The following RABGAP1L variants were observed in gnomAD, a reference collection of about 807,000 sequenced individuals.
RABGAP1L encodes the protein RAB GTPase activating protein 1 like.
A neutral mutation model predicts 137.7 loss-of-function variants in RABGAP1L; 63 were observed. The ratio of observed to expected loss-of-function variants is 0.46; its 90% CI spans 0.37 to 0.56. The LOEUF (loss-of-function observed/expected upper bound fraction) is 0.56. Among genes scored for constraint, RABGAP1L ranks in the 20% least tolerant of loss-of-function variants. The probability of loss-of-function intolerance (pLI) is 0.00; values close to 1 mark genes in which losing one functional copy is unlikely to be tolerated. For synonymous variants in RABGAP1L, 431 were observed against 433.7 expected (o/e 0.99, Z 0.08); for missense variants, 1,095 against 1,244.0 (o/e 0.88, Z 1.80).
At chr1:174,632,327 T>C (rs1419920834) in intron 13 of RABGAP1L, among the ~76,000 whole-genome samples, 1 of 149,738 alleles carries the variant, frequency 6.7e-6, no homozygotes, top group Non-Finnish European at 1.5e-5. Context: ...GCCTTAACAT[T>C]TTTTCCTTCA....
At chr1:174,979,528 T>G (rs1290513289) in intron 23 of RABGAP1L, among the ~76,000 whole-genome samples, 1 of 152,214 alleles carries the variant, frequency 6.6e-6, no homozygotes, top group Non-Finnish European at 1.5e-5. Context: ...TTGGAACATT[T>G]GCCTCTTTGT....
chr1:174,186,521 T>C (rs1219488750), intron 1 of RABGAP1L, among the ~76,000 whole-genome samples: 1 of 152,220 alleles, frequency 6.6e-6, no homozygotes, highest in Non-Finnish European at 1.5e-5. Context: ...ATCTGTCTAC[T>C]ATATAGATCC....
At chr1:174,773,163 G>GTGTGTGTGTGTGTGTGT (rs1553250559) in intron 18 of RABGAP1L, among the ~76,000 whole-genome samples, 7 of 149,658 alleles carry the variant, frequency 4.7e-5, no homozygotes, top group Admixed American at 2.7e-4. Context: ...TAAGCTATGG[G>GTGTGTGTGTGTGTGTGT]GTGTGTGTGT....
intron 13 of RABGAP1L, among the ~76,000 whole-genome samples, chr1:174,523,395 T>G (rs546429124): frequency 6.6e-6 from 1 of 152,036 alleles, no homozygotes; most frequent in East Asian, 1.9e-4. Context: ...AATAAGACTA[T>G]GCAGGGAAGA....
chr1:174,936,731 T>C (rs997465782), intron 19 of RABGAP1L, among the ~76,000 whole-genome samples: 10 of 152,206 alleles, frequency 6.6e-5, no homozygotes, highest in African/African-American at 2.4e-4. Context: ...CCAGTAAATA[T>C]TTGCTTATGA....
chr1:174,687,316 C>G (rs1172875950), intron 15 of RABGAP1L, among the ~76,000 whole-genome samples: 1 of 152,156 alleles, frequency 6.6e-6, no homozygotes. Flanking sequence ...TCAGTCTAGT[C>G]TCTCACACTT....
intron 11 of RABGAP1L, among the ~76,000 whole-genome samples, chr1:174,363,059 C>T (rs1684286127): frequency 6.6e-6 from 1 of 152,082 alleles, no homozygotes; most frequent in Non-Finnish European, 1.5e-5. Flanking sequence ...TTCCCCATTG[C>T]TTGTTTTTGT....
At chr1:174,214,328 A>C (rs1175381109) in intron 1 of RABGAP1L, among the ~76,000 whole-genome samples, 1 of 152,218 alleles carries the variant, frequency 6.6e-6, no homozygotes, top group African/African-American at 2.4e-5. Flanking sequence ...TTGATGTAAG[A>C]AATCAGAGAA....
At chr1:174,351,258 A>G (rs563246734) in intron 11 of RABGAP1L, among the ~76,000 whole-genome samples, 82 of 152,344 alleles carry the variant, frequency 5.4e-4, no homozygotes, top group African/African-American at 1.9e-3. Context: ...ACTTACTATT[A>G]CTAGTGAGTT....
intron 13 of RABGAP1L, among the ~76,000 whole-genome samples, chr1:174,616,783 T>TAG (rs1214306689): frequency 6.6e-6 from 1 of 152,244 alleles, no homozygotes; most frequent in Non-Finnish European, 1.5e-5. Flanking sequence ...AAAGTTCTGT[T>TAG]AGACCAGTAA....
At chr1:174,738,709 C>T (rs1485220893) in intron 17 of RABGAP1L, among the ~76,000 whole-genome samples, 1 of 152,180 alleles carries the variant, frequency 6.6e-6, no homozygotes, top group Non-Finnish European at 1.5e-5. Context: ...TATGGATCTT[C>T]TAACTCCTGC....
chr1:174,429,885 T>C (rs2149192699), intron 13 of RABGAP1L, among the ~76,000 whole-genome samples: 1 of 152,218 alleles, frequency 6.6e-6, no homozygotes, highest in African/African-American at 2.4e-5. Flanking sequence ...GCCAAGTTAG[T>C]CTATAAATAC....
chr1:174,660,953 A>G (rs557369802), intron 14 of RABGAP1L, among the ~76,000 whole-genome samples: 53 of 152,282 alleles, frequency 3.5e-4, no homozygotes, highest in Non-Finnish European at 7.4e-4. Flanking sequence ...TTCCACTAGA[A>G]AATAAGCTAT....
At chr1:174,701,070 T>C in intron 16 of RABGAP1L, 2 of 1,303,292 alleles carry the variant, frequency 1.5e-6, no homozygotes, top group Non-Finnish European at 2.0e-6. Context: ...AGAAATGGCT[T>C]ATTTTGTTTT....
intron 17 of RABGAP1L, among the ~76,000 whole-genome samples, chr1:174,730,867 A>G (rs1168768889): frequency 6.6e-6 from 1 of 152,244 alleles, no homozygotes; most frequent in African/African-American, 2.4e-5. Context: ...TGGCCTAGAA[A>G]AAAAACTTAA....
intron 10 of RABGAP1L, among the ~76,000 whole-genome samples, chr1:174,301,243 T>G (rs1677674601): frequency 6.6e-6 from 1 of 151,826 alleles, no homozygotes; most frequent in Non-Finnish European, 1.5e-5. Flanking sequence ...TGTGATGGTC[T>G]CTGATGTCCA....
At chr1:174,212,256 A>C (rs570859157) in intron 1 of RABGAP1L, among the ~76,000 whole-genome samples, 3 of 152,224 alleles carry the variant, frequency 2.0e-5, no homozygotes, top group South Asian at 2.1e-4. Flanking sequence ...ACATCAAAAA[A>C]AGAAATAATA....
chr1:174,245,718 C>T (rs7551605), intron 5 of RABGAP1L: 44,517 of 151,778 alleles, frequency 0.29, 6,949 homozygotes, highest in African/African-American at 0.37. Context: ...TCACTATGAT[C>T]TCCACCTCCT....
At chr1:174,606,092 T>C (rs1670771291) in intron 13 of RABGAP1L, among the ~76,000 whole-genome samples, 1 of 152,184 alleles carries the variant, frequency 6.6e-6, no homozygotes, top group Admixed American at 6.5e-5. Flanking sequence ...TTAGGGAGAA[T>C]TTATTTTGGT....
Sources: allele counts gnomAD v4.1 joint callset (sites outside exome capture counted in the v4.1 genomes callset), GRCh38; gene constraint gnomAD v4.1.1; transcripts MANE v1.5; gene names NCBI Gene and HGNC (gene_info 2026-07-23, HGNC 2026-07-21).